TAFA4: variants seen among roughly 807,000 people sequenced by gnomAD.
TAFA4 encodes chemokine-like protein TAFA-4.
In TAFA4, 20 loss-of-function variants were observed where a neutral mutation model predicts 21.1. That is an observed-to-expected ratio of 0.95 (90% CI 0.67 to 1.38). The LOEUF (loss-of-function observed/expected upper bound fraction) is 1.38. Ranked by LOEUF, TAFA4 falls within the 40% of genes most tolerant of loss-of-function variation. TAFA4 has a pLI of 0.00. For synonymous variants in TAFA4, 71 were observed against 67.4 expected, an observed-to-expected ratio of 1.05 and a Z score of -0.26; for missense variants, 211 against 180.9, an observed-to-expected ratio of 1.17 and a Z score of -0.95.
At chr3:68,819,082 G>T (rs963118820) in intron 3 of TAFA4, among the ~76,000 whole-genome samples, 3 of 152,090 alleles carry the variant, frequency 2.0e-5, no homozygotes, top group African/African-American at 7.2e-5. Flanking sequence ...AGACCAGCCT[G>T]GGCAACATGG....
At chr3:68,865,598 G>A (rs113164716) in intron 3 of TAFA4, among the ~76,000 whole-genome samples, 129 of 152,142 alleles carry the variant, frequency 8.5e-4, no homozygotes, top group African/African-American at 2.9e-3. Flanking sequence ...ACTGTGAGTC[G>A]ATTAAACCTC....
intron 3 of TAFA4, among the ~76,000 whole-genome samples, chr3:68,814,563 A>G (rs1703919335): frequency 6.6e-6 from 1 of 152,220 alleles, no homozygotes; most frequent in African/African-American, 2.4e-5. Flanking sequence ...CCCATTCACA[A>G]TCGCCTCAAA....
chr3:68,905,033 C>T (rs1184976876), intron 1 of TAFA4, among the ~76,000 whole-genome samples: 2 of 152,124 alleles, frequency 1.3e-5, no homozygotes, highest in Non-Finnish European at 2.9e-5. Flanking sequence ...GCAGCTCCCC[C>T]TGCATTACAT....
chr3:68,761,722 G>T (rs906807029), intron 3 of TAFA4, among the ~76,000 whole-genome samples: 2 of 152,206 alleles, frequency 1.3e-5, no homozygotes, highest in Non-Finnish European at 2.9e-5. Flanking sequence ...TGTGATCAGA[G>T]CAGATTAAAG....
intron 3 of TAFA4, among the ~76,000 whole-genome samples, chr3:68,842,934 G>A (rs1704697125): frequency 6.6e-6 from 1 of 152,174 alleles, no homozygotes; most frequent in Admixed American, 6.5e-5. Context: ...TTTGGTTACT[G>A]TAGCCTTGGA....
At chr3:68,801,125 G>A (rs1204976984) in intron 3 of TAFA4, among the ~76,000 whole-genome samples, 6 of 152,298 alleles carry the variant, frequency 3.9e-5, no homozygotes, top group Admixed American at 3.3e-4. Flanking sequence ...TCCCAAGAAA[G>A]TGTACCCACC....
At chr3:68,751,395 G>C (rs1054714550) in intron 4 of TAFA4, among the ~76,000 whole-genome samples, 1 of 152,176 alleles carries the variant, frequency 6.6e-6, no homozygotes, top group Non-Finnish European at 1.5e-5. Flanking sequence ...GTGGCCCCTA[G>C]ACTGTGGACG....
chr3:68,863,825 G>C (rs1375287790), intron 3 of TAFA4, among the ~76,000 whole-genome samples: 2 of 151,912 alleles, frequency 1.3e-5, no homozygotes, highest in African/African-American at 4.8e-5. Flanking sequence ...AATGCCTAAG[G>C]CATTTTAAAA....
At chr3:68,861,673 C>T (rs1309271326) in intron 3 of TAFA4, among the ~76,000 whole-genome samples, 1 of 151,994 alleles carries the variant, frequency 6.6e-6, no homozygotes, top group Non-Finnish European at 1.5e-5. Flanking sequence ...GAGCCAACCC[C>T]CCCAGCCCAG....
intron 5 of TAFA4, among the ~76,000 whole-genome samples, chr3:68,735,295 C>T (rs897158653): frequency 3.9e-5 from 6 of 152,054 alleles, no homozygotes; most frequent in African/African-American, 1.4e-4. Context: ...CTGTATTTTG[C>T]ATCAGTTTCC....
chr3:68,809,310 G>A (rs1703777029), intron 3 of TAFA4, among the ~76,000 whole-genome samples: 1 of 152,152 alleles, frequency 6.6e-6, no homozygotes, highest in Non-Finnish European at 1.5e-5. Flanking sequence ...GAAGCCACCA[G>A]TTTTTAAATT....
At chr3:68,897,572 G>A (rs2089804326) in intron 1 of TAFA4, among the ~76,000 whole-genome samples, 1 of 151,882 alleles carries the variant, frequency 6.6e-6, no homozygotes, top group Admixed American at 6.6e-5. Context: ...GTTGCAGTGA[G>A]CTGAGATCAT....
At chr3:68,862,531 A>G (rs1221729784) in intron 3 of TAFA4, among the ~76,000 whole-genome samples, 2 of 152,144 alleles carry the variant, frequency 1.3e-5, no homozygotes, top group East Asian at 1.9e-4. Context: ...AGTTTAGCAC[A>G]TAACATGGGA....
At chr3:68,895,534 C>A (rs1355585209) in intron 1 of TAFA4, among the ~76,000 whole-genome samples, 1 of 152,086 alleles carries the variant, frequency 6.6e-6, no homozygotes, top group African/African-American at 2.4e-5. Context: ...AGTGGAAGAG[C>A]CACTAAAGGA....
At chr3:68,784,793 T>C (rs1387589069) in intron 3 of TAFA4, among the ~76,000 whole-genome samples, 3 of 152,194 alleles carry the variant, frequency 2.0e-5, no homozygotes, top group Non-Finnish European at 4.4e-5. Flanking sequence ...TGGTTCTGTT[T>C]TGACAGGGCG....
intron 4 of TAFA4, among the ~76,000 whole-genome samples, chr3:68,747,608 G>C (rs1702484091): frequency 6.6e-6 from 1 of 152,134 alleles, no homozygotes; most frequent in African/African-American, 2.4e-5. Flanking sequence ...TCTCGGGTAT[G>C]TCTTTATTAG....
chr3:68,925,213 G>A (rs377623954), intron 1 of TAFA4, among the ~76,000 whole-genome samples: 16 of 151,350 alleles, frequency 1.1e-4, no homozygotes, highest in East Asian at 3.9e-4. Flanking sequence ...CTGTGTGTGC[G>A]TGTGTGTGAG....
intron 3 of TAFA4, among the ~76,000 whole-genome samples, chr3:68,879,000 G>T (rs1053494823): frequency 6.6e-6 from 1 of 152,056 alleles, no homozygotes; most frequent in Non-Finnish European, 1.5e-5. Context: ...GTGGAGATAG[G>T]GTTGTAAAAT....
intron 1 of TAFA4, among the ~76,000 whole-genome samples, chr3:68,931,356 T>C (rs939389877): frequency 3.3e-5 from 5 of 152,122 alleles, no homozygotes; most frequent in Admixed American, 2.6e-4. Context: ...TACATACTGC[T>C]TAGGAGCTGA....
Sources: gnomAD v4.1 joint callset for allele counts (sites outside exome capture counted in the v4.1 genomes callset) on GRCh38, gnomAD v4.1.1 for gene constraint, MANE v1.5 for transcripts, NCBI Gene and HGNC (gene_info 2026-07-23, HGNC 2026-07-21) for gene names.